Variants in SLC9C2 observed in about 807,000 individuals in gnomAD.
The protein encoded by SLC9C2 is solute carrier family 9 member C2 (putative).
A neutral mutation model predicts 140.2 loss-of-function variants in SLC9C2; 75 were observed. That is an observed-to-expected ratio of 0.53 (90% CI 0.44 to 0.65). SLC9C2 has a LOEUF of 0.65. Ranked by LOEUF, SLC9C2 falls within the 30% of genes least tolerant of loss-of-function variation. The pLI, the probability that SLC9C2 is intolerant of heterozygous loss-of-function variation, is 0.00. For synonymous variants in SLC9C2, 375 were observed against 420.9 expected, an observed-to-expected ratio of 0.89 and a Z score of 1.34; for missense variants, 1,074 against 1,331.8, an observed-to-expected ratio of 0.81 and a Z score of 3.01.
chr1:173,511,090 A>G (rs1571431106), intron 23 of SLC9C2, among the ~76,000 whole-genome samples: 2 of 122,280 alleles, frequency 1.6e-5, no homozygotes, highest in Non-Finnish European at 3.1e-5. Context: ...GCTGGAGTGC[A>G]GTGGTGCATC....
intron 18 of SLC9C2, 56 bp downstream of exon 18, chr1:173,529,849 G>A: frequency 6.5e-7 from 1 of 1,548,258 alleles, no homozygotes; most frequent in Non-Finnish European, 8.7e-7. Context: ...AGTCTTAAAA[G>A]AAGTTAATAC....
chr1:173,534,734 C>T (rs1229961293), intron 15 of SLC9C2, 52 bp from the exon 16 acceptor site: 1 of 1,288,680 alleles, frequency 7.8e-7, no homozygotes, highest in Non-Finnish European at 1.0e-6. Flanking sequence ...TAATTAGCAG[C>T]TGAAGTTCAA....
At chr1:173,526,336 T>G (rs1254874210) in intron 19 of SLC9C2, among the ~76,000 whole-genome samples, 1 of 152,230 alleles carries the variant, frequency 6.6e-6, no homozygotes, top group Non-Finnish European at 1.5e-5. Flanking sequence ...CTTCTAACCT[T>G]GAGGACTCTG....
At chr1:173,512,974 C>A (rs1660155512) in intron 23 of SLC9C2, among the ~76,000 whole-genome samples, 1 of 152,200 alleles carries the variant, frequency 6.6e-6, no homozygotes, top group South Asian at 2.1e-4. Context: ...TATGTTGAAC[C>A]AGTCTTACAT....
At chr1:173,599,265 C>T (rs1264200647) in intron 3 of SLC9C2, among the ~76,000 whole-genome samples, 1 of 147,686 alleles carries the variant, frequency 6.8e-6, no homozygotes, top group Non-Finnish European at 1.5e-5. Flanking sequence ...TATAAGGCAA[C>T]AGCAAGGAGG....
intron 4 of SLC9C2, among the ~76,000 whole-genome samples, chr1:173,591,898 T>G (rs1666186951): frequency 6.6e-6 from 1 of 152,098 alleles, no homozygotes; most frequent in Admixed American, 6.5e-5. Context: ...TTTTTGCTTT[T>G]GTTGCAGTTG....
intron 27 of SLC9C2, 63 bp from the exon 28 acceptor site, chr1:173,501,160 T>A: frequency 6.9e-7 from 1 of 1,444,852 alleles, no homozygotes. Flanking sequence ...ACTTCTTACC[T>A]ATTAAATGGA....
chr1:173,501,939 G>T (rs942103496), intron 27 of SLC9C2, among the ~76,000 whole-genome samples: 1 of 152,068 alleles, frequency 6.6e-6, no homozygotes, highest in African/African-American at 2.4e-5. Context: ...GAGTCTTAGG[G>T]TGGCTGTCTA....
chr1:173,506,581 C>T (rs978108496), intron 25 of SLC9C2, among the ~76,000 whole-genome samples: 5 of 152,246 alleles, frequency 3.3e-5, no homozygotes, highest in African/African-American at 7.2e-5. Context: ...AGCATCTCAT[C>T]CTTCCTTTGG....
chr1:173,537,846 C>G (rs1035170544), intron 13 of SLC9C2, among the ~76,000 whole-genome samples: 2 of 152,100 alleles, frequency 1.3e-5, no homozygotes, highest in African/African-American at 4.8e-5. Context: ...AAAATTATAG[C>G]TTCTACATGA....
chr1:173,548,404 C>A lies in SLC9C2; in HGVS notation c.1446G>T (p.Arg482Ser). ...ATCAACTCACAGGAATGTATTCGATCCTCGTTTTATCTTCTACTAAGGTCC... is the reference window on the plus strand; with the variant it reads ...ATCAACTCACAGGAATGTATTCGATACTCGTTTTATCTTCTACTAAGGTCC... ...VNWTLVEDKTRIEYIPFSHVS... is the reference protein window; with the variant it reads ...VNWTLVEDKTSIEYIPFSHVS... The change falls in exon 12 of 28, where the codon AGG (arginine) becomes AGT (serine). Residue 482 changes from arginine (R) to serine (S), a missense_variant. Arg to Ser is a moderately radical substitution (Grantham distance 110, BLOSUM62 -1). Coordinates refer to ENST00000367714, the MANE Select transcript of SLC9C2 (RefSeq NM_178527.4). 6.2e-7 allele frequency: 1 copy of A among 1,612,508 alleles called. No homozygotes were observed. Among genetic ancestry groups the A allele is most frequent in the South Asian group, 1.1e-5 (1 of 90,748 alleles).
chr1:173,501,101 T>C lies in SLC9C2; in HGVS notation c.3372-4A>G, dbSNP rs372366872. On this transcript the variant is annotated splice_region_variant and splice_polypyrimidine_tract_variant and intron_variant, in intron 27 of 27. Coordinates refer to ENST00000367714, the MANE Select transcript of SLC9C2 (RefSeq NM_178527.4). ...TAAAATGGTATCCAGTTTTCAACTA[T>C]AAAAGAAAGTCAAAAGTTAAATATT... 3 of 1,534,332 alleles carry C rather than the reference T, an allele frequency of 2.0e-6. No individual in the cohort carries two copies. The highest frequency in any genetic ancestry group is 2.8e-5 in the African/African-American group (2 of 71,740).
intron 15 of SLC9C2, 84 bp from the exon 16 acceptor site, chr1:173,534,766 A>G: frequency 2.6e-6 from 3 of 1,140,538 alleles, no homozygotes; most frequent in Non-Finnish European, 3.5e-6. Flanking sequence ...ACAAATCATT[A>G]AAATTAATTT....
At chr1:173,505,028 G>C (rs770762367) in intron 26 of SLC9C2, among the ~76,000 whole-genome samples, 15 of 152,180 alleles carry the variant, frequency 9.9e-5, no homozygotes, top group Non-Finnish European at 2.1e-4. Flanking sequence ...TGGAGGGAGG[G>C]ACATGGCAGA....
Position 173,501,053 on chromosome 1 carries a change from T to A in SLC9C2, c.*41A>T, listed in dbSNP as rs202123687. The A allele has an allele frequency of 1.5e-3, 2,313 of 1,505,018 alleles. 3 individuals carry two copies. The highest frequency in any genetic ancestry group is 1.8e-3 in the Non-Finnish European group (2,067 of 1,128,910). The allele number at this position is 1,505,018 out of a possible 1,614,324, so 93.2% of individuals were successfully genotyped here. The stretch of plus-strand genomic sequence containing the variant: ...CTTTAACCTGACTCCACACATCATA[T>A]TTGTATCATTAATACCCTTTTCTAA... On this transcript the variant is annotated 3_prime_UTR_variant, in exon 28 of 28. Transcript: ENST00000367714.
intron 9 of SLC9C2, among the ~76,000 whole-genome samples, chr1:173,563,786 T>C (rs966822787): frequency 1.3e-5 from 2 of 152,196 alleles, no homozygotes; most frequent in African/African-American, 2.4e-5. Context: ...TGCCATCAAA[T>C]ACTAGGTTTT....
chr1:173,585,338 T>C (rs1665786943), intron 5 of SLC9C2, among the ~76,000 whole-genome samples: 1 of 152,232 alleles, frequency 6.6e-6, no homozygotes, highest in Admixed American at 6.5e-5. Context: ...ATTGTAGTTC[T>C]GTATATTATA....
intron 9 of SLC9C2, among the ~76,000 whole-genome samples, chr1:173,572,221 T>A (rs1664885516): frequency 6.6e-6 from 1 of 152,134 alleles, no homozygotes; most frequent in Non-Finnish European, 1.5e-5. Flanking sequence ...AACTGTTTTT[T>A]AAGAGTCCAG....
intron 11 of SLC9C2, among the ~76,000 whole-genome samples, chr1:173,553,569 T>C (rs1663467768): frequency 6.6e-6 from 1 of 152,262 alleles, no homozygotes; most frequent in South Asian, 2.1e-4. Context: ...GATTATGAAT[T>C]GCTGAAGGCT....
Sources: allele counts gnomAD v4.1 joint callset (sites outside exome capture counted in the v4.1 genomes callset), GRCh38; gene constraint gnomAD v4.1.1; transcripts MANE v1.5; gene names NCBI Gene and HGNC (gene_info 2026-07-23, HGNC 2026-07-21).